Variants in KCNH8 observed in about 807,000 individuals in gnomAD.
KCNH8 encodes potassium voltage-gated channel subfamily H member 8.
Under a neutral mutation model 103.6 loss-of-function variants are expected in KCNH8, and 70 were observed. The observed-to-expected ratio is 0.68, with a 90% CI of 0.56 to 0.82. The LOEUF is 0.82. KCNH8 is among the 40% of genes least tolerant of loss of function. The pLI is 0.00. For missense variants in KCNH8, 1,217 were observed against 1,329.9 expected, an observed-to-expected ratio of 0.92 and a Z score of 1.32; for synonymous variants, 498 against 489.4, an observed-to-expected ratio of 1.02 and a Z score of -0.23.
chr3:19,270,323 G>T (rs927578609), intron 2 of KCNH8, among the ~76,000 whole-genome samples: 1 of 152,044 alleles, frequency 6.6e-6, no homozygotes, highest in Non-Finnish European at 1.5e-5. Flanking sequence ...ATACCCAATT[G>T]GAACCCTCAC....
At chr3:19,499,584 G>C (rs2068528683) in intron 11 of KCNH8, among the ~76,000 whole-genome samples, 1 of 152,194 alleles carries the variant, frequency 6.6e-6, no homozygotes, top group Non-Finnish European at 1.5e-5. Flanking sequence ...ACTAACAGCA[G>C]ATCTCTCGGC....
chr3:19,474,982 CCTGA>C (rs775360520), intron 11 of KCNH8, among the ~76,000 whole-genome samples: 17 of 152,212 alleles, frequency 1.1e-4, no homozygotes, highest in East Asian at 1.9e-4. Context: ...ATCCAGAAAT[CCTGA>C]CTATTAGACT....
At chr3:19,429,015 C>A (rs946673104) in intron 7 of KCNH8, among the ~76,000 whole-genome samples, 1 of 152,122 alleles carries the variant, frequency 6.6e-6, no homozygotes, top group Non-Finnish European at 1.5e-5. Flanking sequence ...GTGTTTACTT[C>A]AAGGCCAATC....
At position 19,533,406 on chromosome 3, in the gene KCNH8, G is replaced by A; in HGVS notation, c.2631G>A (p.Leu877=). 6.2e-7 allele frequency: 1 copy of A among 1,613,352 alleles called. No homozygotes were observed. Among genetic ancestry groups the A allele is most frequent in the Non-Finnish European group, 8.5e-7 (1 of 1,179,326 alleles). ...INKLNSEVTT[L]TQEVSQLGKD... ...CTCTATCCACATAGGTAACAACATT[G>A]ACTCAGGAAGTTTCTCAGTTGGGTA... Residue 877 remains leucine (L), a synonymous_variant, in exon 16 of 16, where the codon TTG becomes TTA. Transcript: ENST00000328405.
In KCNH8 at chr3:19,148,645, C is replaced by T; in HGVS notation, c.-75C>T. On this transcript the variant is annotated 5_prime_UTR_variant, in exon 1 of 16. Transcript: ENST00000328405. ...CCTGCCGTCATCAGGTTCCCCTTCT[C>T]CCTTCTTGGCACTTTCCTTTCGAAC... The T allele has an allele frequency of 1.4e-6, 2 of 1,441,772 alleles. No homozygotes were observed. The highest frequency in any genetic ancestry group is 1.1e-5 in the South Asian group (1 of 87,930). 89.3% of individuals were successfully genotyped at this position (1,441,772 alleles called of 1,614,324 possible).
Position 19,200,765 on chromosome 3 carries a change from G to A in KCNH8, c.76+51970G>A, listed in dbSNP as rs541368039. 7.9e-5 allele frequency among the ~76,000 whole-genome samples: 12 copies of A among 151,884 alleles called. 1 individual carries two copies. In the South Asian group the frequency reaches 8.3e-4, roughly 11 times the overall value. ...AAACTTTGATCAAACTTTAATACAC[G>A]AAGTTCTCCCAAACCGTTACTTTTA... On this transcript the variant is annotated intron_variant, in intron 1 of 15. Transcript: ENST00000328405.
rs550050946 is a variant in KCNH8 at position 19,247,164 on chromosome 3, G to T, written c.77-6490G>T. ...GATGTATAAATTACAAGGACTATGA[G>T]AAATCTTTTTTACAAATTTTTAATC... On this transcript the variant is annotated intron_variant, in intron 1 of 15. Transcript: ENST00000328405. Among the ~76,000 whole-genome samples, 18 of 152,246 alleles carry T rather than the reference G, an allele frequency of 1.2e-4. No homozygotes were observed. In the South Asian group the frequency reaches 3.5e-3, roughly 30 times the overall value.
intron 3 of KCNH8, among the ~76,000 whole-genome samples, chr3:19,298,208 CT>C (rs762477218): frequency 3.9e-5 from 6 of 152,140 alleles, no homozygotes; most frequent in Non-Finnish European, 7.3e-5. Flanking sequence ...CATTGAAAAC[CT>C]TTCTAAGGTA....
At chr3:19,220,831 G>T (rs187558197) in intron 1 of KCNH8, among the ~76,000 whole-genome samples, 4 of 151,548 alleles carry the variant, frequency 2.6e-5, no homozygotes, top group Non-Finnish European at 5.9e-5. Flanking sequence ...AAAAGAAAAT[G>T]CTAGGCATGT....
At chr3:19,361,253 G>T (rs1044746651) in intron 5 of KCNH8, among the ~76,000 whole-genome samples, 1 of 151,978 alleles carries the variant, frequency 6.6e-6, no homozygotes, top group African/African-American at 2.4e-5. Flanking sequence ...TAGAATCATG[G>T]ATTTTTTTCT....
chr3:19,521,042 G>C (rs574698390), intron 15 of KCNH8, among the ~76,000 whole-genome samples: 1 of 151,974 alleles, frequency 6.6e-6, no homozygotes, highest in African/African-American at 2.4e-5. Context: ...AGCATAGTAT[G>C]AAATAGTGCG....
chr3:19,526,547 C>T (rs886162249), intron 15 of KCNH8, among the ~76,000 whole-genome samples: 1 of 151,884 alleles, frequency 6.6e-6, no homozygotes, highest in Non-Finnish European at 1.5e-5. Context: ...AACCACACAC[C>T]AGAACAGTAA....
At chr3:19,280,832 T>G (rs1450571943) in intron 2 of KCNH8, among the ~76,000 whole-genome samples, 1 of 152,050 alleles carries the variant, frequency 6.6e-6, no homozygotes, top group Non-Finnish European at 1.5e-5. Context: ...ACAAAGGTCT[T>G]TATTGAAGAA....
At chr3:19,258,808 A>G (rs1404556620) in intron 2 of KCNH8, among the ~76,000 whole-genome samples, 1 of 150,570 alleles carries the variant, frequency 6.6e-6, no homozygotes, top group Non-Finnish European at 1.5e-5. Context: ...CAATTATGCA[A>G]CTGTTTTATT....
chr3:19,297,665 T>C (rs888967226), intron 3 of KCNH8, among the ~76,000 whole-genome samples: 3 of 152,216 alleles, frequency 2.0e-5, no homozygotes, highest in African/African-American at 4.8e-5. Context: ...TTCAATTTTC[T>C]AATGTACCTA....
At chr3:19,179,751 AGAG>A (rs2063433419) in intron 1 of KCNH8, among the ~76,000 whole-genome samples, 3 of 152,264 alleles carry the variant, frequency 2.0e-5, no homozygotes, top group East Asian at 3.9e-4. Context: ...AACTCTAGGT[AGAG>A]GAGAAGTGTG....
At chr3:19,384,812 T>C (rs1295566091) in intron 5 of KCNH8, among the ~76,000 whole-genome samples, 1 of 152,184 alleles carries the variant, frequency 6.6e-6, no homozygotes, top group African/African-American at 2.4e-5. Context: ...CGGTTTTCTT[T>C]TTATTTTCTT....
chr3:19,483,149 T>G (rs1053589793), intron 11 of KCNH8, among the ~76,000 whole-genome samples: 1 of 151,930 alleles, frequency 6.6e-6, no homozygotes, highest in African/African-American at 2.4e-5. Context: ...GGTTTAAGAG[T>G]GCCAATAACA....
chr3:19,486,953 A>G (rs948102093), intron 11 of KCNH8, among the ~76,000 whole-genome samples: 4 of 152,070 alleles, frequency 2.6e-5, no homozygotes, highest in Non-Finnish European at 4.4e-5. Flanking sequence ...CTTCTTGGAC[A>G]CTTTCTACCT....
Sources: allele counts gnomAD v4.1 joint callset (sites outside exome capture counted in the v4.1 genomes callset), GRCh38; gene constraint gnomAD v4.1.1; transcripts MANE v1.5; gene names NCBI Gene and HGNC (gene_info 2026-07-23, HGNC 2026-07-21).